Variants in ROBO2 observed in about 807,000 individuals in gnomAD.
The protein encoded by ROBO2 is roundabout guidance receptor 2, also known as roundabout homolog 2.
A neutral mutation model predicts 160.8 loss-of-function variants in ROBO2; 53 were observed. The observed-to-expected ratio is 0.33, with a 90% CI of 0.26 to 0.41. The LOEUF (loss-of-function observed/expected upper bound fraction) is 0.41. Ranked by LOEUF, ROBO2 falls within the 10% of genes least tolerant of loss-of-function variation. The pLI is 1.00. For synonymous variants in ROBO2, 664 were observed against 611.7 expected (o/e 1.09, Z -1.26); for missense variants, 1,577 against 1,722.4 (o/e 0.92, Z 1.49).
At chr3:75,981,347 C>T (rs1302196421) in intron 2 of ROBO2, among the ~76,000 whole-genome samples, 1 of 151,370 alleles carries the variant, frequency 6.6e-6, no homozygotes, top group Non-Finnish European at 1.5e-5. Flanking sequence ...TAGCCTATAT[C>T]TACATCATAG....
At chr3:77,054,115 G>T (rs965902315) in intron 1 of ROBO2, among the ~76,000 whole-genome samples, 3 of 152,148 alleles carry the variant, frequency 2.0e-5, no homozygotes, top group Non-Finnish European at 4.4e-5. Context: ...TTAGGAAGAT[G>T]CTTGTCTACT....
At chr3:76,750,745 G>A (rs1196025783) in intron 2 of ROBO2, among the ~76,000 whole-genome samples, 1 of 152,102 alleles carries the variant, frequency 6.6e-6, no homozygotes, top group African/African-American at 2.4e-5. Flanking sequence ...CAAGGGATGT[G>A]AAGGACCTCT....
intron 2 of ROBO2, among the ~76,000 whole-genome samples, chr3:76,895,178 CA>C (rs1462696452): frequency 6.6e-6 from 1 of 151,878 alleles, no homozygotes; most frequent in Admixed American, 6.6e-5. Flanking sequence ...TCTGGGTGAT[CA>C]TTTTTTTCTA....
chr3:77,493,496 C>T (rs13087305), intron 5 of ROBO2, 114 bp downstream of exon 5: 27 of 1,191,556 alleles, frequency 2.3e-5, no homozygotes, highest in Non-Finnish European at 3.3e-5. Context: ...TACTTTCACT[C>T]ATGTGATTTT....
chr3:77,212,803 A>G (rs560898955), intron 2 of ROBO2, among the ~76,000 whole-genome samples: 171 of 152,296 alleles, frequency 1.1e-3, no homozygotes, highest in African/African-American at 3.9e-3. Flanking sequence ...GAATTTTGTC[A>G]AAGGCCTTTT....
chr3:76,938,779 G>C (rs1349072723), intron 2 of ROBO2, among the ~76,000 whole-genome samples: 1 of 152,086 alleles, frequency 6.6e-6, no homozygotes, highest in Non-Finnish European at 1.5e-5. Flanking sequence ...AGATCAGCCT[G>C]ACCAACATGG....
intron 2 of ROBO2, among the ~76,000 whole-genome samples, chr3:77,429,875 G>A (rs1224915442): frequency 1.3e-5 from 2 of 152,052 alleles, no homozygotes; most frequent in African/African-American, 4.8e-5. Flanking sequence ...TAGCTGCGGT[G>A]CTCACTAATG....
chr3:76,944,575 G>A (rs759269065), intron 2 of ROBO2, among the ~76,000 whole-genome samples: 12 of 152,130 alleles, frequency 7.9e-5, no homozygotes, highest in Admixed American at 3.3e-4. Context: ...TTACATAGTT[G>A]TTTTTGTTAT....
chr3:76,328,862 A>T (rs1167192475), intron 2 of ROBO2, among the ~76,000 whole-genome samples: 2 of 138,870 alleles, frequency 1.4e-5, no homozygotes, highest in Non-Finnish European at 3.1e-5. Flanking sequence ...CCGTCTCAAA[A>T]CAAACAAACA....
chr3:76,592,036 C>CT (rs1306501143), intron 2 of ROBO2, among the ~76,000 whole-genome samples: 1 of 151,880 alleles, frequency 6.6e-6, no homozygotes, highest in Non-Finnish European at 1.5e-5. Context: ...CGTGTAAATA[C>CT]TTTTTACAGA....
chr3:76,805,627 G>A (rs1349977312), intron 2 of ROBO2, among the ~76,000 whole-genome samples: 1 of 151,320 alleles, frequency 6.6e-6, no homozygotes, highest in African/African-American at 2.4e-5. Context: ...GCGATATAAA[G>A]CTCTATTTTT....
intron 2 of ROBO2, among the ~76,000 whole-genome samples, chr3:76,273,043 A>AT (rs1707671383): frequency 9.7e-6 from 1 of 102,618 alleles, no homozygotes; most frequent in African/African-American, 3.8e-5. Context: ...TATAAAATAT[A>AT]TATTATATAA....
chr3:77,477,718 A>G (rs1436256698), intron 3 of ROBO2, 147 bp downstream of exon 3: 5 of 885,978 alleles, frequency 5.6e-6, no homozygotes, highest in Non-Finnish European at 7.0e-6. Flanking sequence ...ATTTAAAAAC[A>G]TTTGGATGAG....
intron 2 of ROBO2, among the ~76,000 whole-genome samples, chr3:76,788,910 T>C (rs1162700149): frequency 6.6e-6 from 1 of 151,534 alleles, no homozygotes; most frequent in African/African-American, 2.4e-5. Flanking sequence ...TTATAGCAAA[T>C]GATTAGTACA....
intron 2 of ROBO2, among the ~76,000 whole-genome samples, chr3:77,313,070 C>T (rs1200967554): frequency 6.6e-6 from 1 of 152,196 alleles, no homozygotes; most frequent in Admixed American, 6.5e-5. Flanking sequence ...GTGTAGCCTA[C>T]TCCACTTTCC....
intron 1 of ROBO2, among the ~76,000 whole-genome samples, chr3:77,075,904 C>T (rs374503720): frequency 2.0e-5 from 3 of 151,564 alleles, no homozygotes; most frequent in African/African-American, 4.8e-5. Context: ...TTTCAAACTC[C>T]GGACCTCAAA....
At chr3:77,135,282 T>A (rs2076188408) in intron 2 of ROBO2, among the ~76,000 whole-genome samples, 1 of 152,218 alleles carries the variant, frequency 6.6e-6, no homozygotes, top group Admixed American at 6.5e-5. Flanking sequence ...AAGAGCCACA[T>A]GCTACCTTCA....
At chr3:76,888,749 C>T (rs542275291) in intron 2 of ROBO2, among the ~76,000 whole-genome samples, 15 of 152,194 alleles carry the variant, frequency 9.9e-5, no homozygotes, top group African/African-American at 2.9e-4. Context: ...ACTTTTGGCT[C>T]CAGGTTTTAA....
At chr3:76,986,608 CT>C (rs1419940907) in intron 2 of ROBO2, among the ~76,000 whole-genome samples, 1 of 151,856 alleles carries the variant, frequency 6.6e-6, no homozygotes, top group East Asian at 1.9e-4. Context: ...AAAACAGATT[CT>C]TTTTTGAAAT....
Sources: gnomAD v4.1 joint callset for allele counts (sites outside exome capture counted in the v4.1 genomes callset) on GRCh38, gnomAD v4.1.1 for gene constraint, MANE v1.5 for transcripts, NCBI Gene and HGNC (gene_info 2026-07-23, HGNC 2026-07-21) for gene names.